The following NLGN1 variants were observed in gnomAD, a reference collection of about 807,000 sequenced individuals.
NLGN1 encodes the protein neuroligin 1.
Under a neutral mutation model 65.5 loss-of-function variants are expected in NLGN1, and 12 were observed. The observed-to-expected ratio is 0.18, with a 90% CI of 0.12 to 0.30. The LOEUF (loss-of-function observed/expected upper bound fraction) is 0.30. Ranked by LOEUF, NLGN1 falls within the 10% of genes least tolerant of loss-of-function variation. The pLI is 1.00. For missense variants in NLGN1, 750 were observed against 1,007.1 expected, an observed-to-expected ratio of 0.74 and a Z score of 3.46; for synonymous variants, 350 against 359.5, an observed-to-expected ratio of 0.97 and a Z score of 0.30.
intron 4 of NLGN1, among the ~76,000 whole-genome samples, chr3:173,859,959 G>C (rs945900249): frequency 6.6e-6 from 1 of 151,564 alleles, no homozygotes; most frequent in African/African-American, 2.4e-5. Context: ...TTATTTTCTT[G>C]ATCAAATCCT....
chr3:174,105,901 T>C (rs1713673498), intron 4 of NLGN1, among the ~76,000 whole-genome samples: 1 of 152,134 alleles, frequency 6.6e-6, no homozygotes, highest in South Asian at 2.1e-4. Flanking sequence ...TGGAATTTAT[T>C]TGAGGTCACA....
chr3:173,721,919 T>C (rs540082043), intron 3 of NLGN1, among the ~76,000 whole-genome samples: 22 of 142,288 alleles, frequency 1.5e-4, no homozygotes, highest in Admixed American at 3.0e-4. Context: ...TGTGACATGA[T>C]GGGCAACATG....
At chr3:174,039,626 G>A (rs1731864155) in intron 4 of NLGN1, among the ~76,000 whole-genome samples, 1 of 152,146 alleles carries the variant, frequency 6.6e-6, no homozygotes, top group Admixed American at 6.6e-5. Flanking sequence ...ATAAGGCTCA[G>A]TAAGTTAGTG....
intron 4 of NLGN1, among the ~76,000 whole-genome samples, chr3:173,938,976 A>C (rs1364006277): frequency 6.6e-6 from 1 of 152,180 alleles, no homozygotes; most frequent in Non-Finnish European, 1.5e-5. Flanking sequence ...CGAGCTTGTC[A>C]ACACAATGAC....
chr3:173,544,202 A>G (rs1277939203), intron 2 of NLGN1, among the ~76,000 whole-genome samples: 2 of 152,070 alleles, frequency 1.3e-5, no homozygotes, highest in African/African-American at 4.8e-5. Flanking sequence ...AAAAAGAAAA[A>G]GAAAAAAAAG....
intron 4 of NLGN1, among the ~76,000 whole-genome samples, chr3:173,828,210 T>C (rs1426415009): frequency 6.6e-6 from 1 of 152,168 alleles, no homozygotes; most frequent in African/African-American, 2.4e-5. Context: ...TAATTTGAGT[T>C]GCTGTCACAT....
At chr3:173,724,252 A>G (rs1039673727) in intron 3 of NLGN1, among the ~76,000 whole-genome samples, 1 of 152,186 alleles carries the variant, frequency 6.6e-6, no homozygotes, top group African/African-American at 2.4e-5. Flanking sequence ...CATCACCTAC[A>G]ATTGTGTTTC....
intron 1 of NLGN1, among the ~76,000 whole-genome samples, chr3:173,434,462 A>G (rs2148760978): frequency 6.6e-6 from 1 of 152,336 alleles, no homozygotes; most frequent in Admixed American, 6.5e-5. Context: ...CAATATTTGA[A>G]TAAATGTTTC....
chr3:174,080,756 GT>G (rs201523593), intron 4 of NLGN1, among the ~76,000 whole-genome samples: 81 of 145,138 alleles, frequency 5.6e-4, no homozygotes, highest in East Asian at 6.0e-4. Context: ...TCAGTTTCAG[GT>G]TTTTTTTTTT....
intron 2 of NLGN1, among the ~76,000 whole-genome samples, chr3:173,469,881 T>A (rs1725034678): frequency 6.6e-6 from 1 of 151,862 alleles, no homozygotes; most frequent in African/African-American, 2.4e-5. Flanking sequence ...AACACCTACA[T>A]ATGCTTACTC....
At chr3:173,614,721 C>T (rs1752798925) in intron 3 of NLGN1, among the ~76,000 whole-genome samples, 1 of 152,080 alleles carries the variant, frequency 6.6e-6, no homozygotes, top group Non-Finnish European at 1.5e-5. Context: ...CCCACACTCC[C>T]ACACACACCC....
intron 4 of NLGN1, among the ~76,000 whole-genome samples, chr3:174,080,834 G>A (rs1456512356): frequency 6.6e-6 from 1 of 151,190 alleles, no homozygotes; most frequent in African/African-American, 2.4e-5. Flanking sequence ...GCCTTTCCCT[G>A]GTGCTGGCTG....
intron 4 of NLGN1, among the ~76,000 whole-genome samples, chr3:174,045,630 T>C (rs1193819291): frequency 6.6e-6 from 1 of 152,172 alleles, no homozygotes; most frequent in Admixed American, 6.6e-5. Flanking sequence ...TTAGCTAAGA[T>C]TGCTTCTACT....
At chr3:174,269,004 T>G (rs1265387286) in intron 4 of NLGN1, among the ~76,000 whole-genome samples, 1 of 151,904 alleles carries the variant, frequency 6.6e-6, no homozygotes, top group East Asian at 1.9e-4. Context: ...GAAAATATTT[T>G]TACTTTATCC....
At chr3:174,159,449 A>G (rs542950880) in intron 4 of NLGN1, among the ~76,000 whole-genome samples, 1 of 151,914 alleles carries the variant, frequency 6.6e-6, no homozygotes, top group Non-Finnish European at 1.5e-5. Flanking sequence ...ACTAAACCCA[A>G]CAACTAAATT....
At chr3:174,027,007 C>T (rs2152466542) in intron 4 of NLGN1, among the ~76,000 whole-genome samples, 1 of 149,600 alleles carries the variant, frequency 6.7e-6, no homozygotes, top group East Asian at 2.0e-4. Flanking sequence ...TCAAGGACAA[C>T]ACAGCTAGAC....
intron 3 of NLGN1, among the ~76,000 whole-genome samples, chr3:173,669,241 T>C (rs1247019124): frequency 6.6e-6 from 1 of 152,170 alleles, no homozygotes; most frequent in Non-Finnish European, 1.5e-5. Context: ...GAGGGCAATG[T>C]AATACAATCT....
intron 4 of NLGN1, among the ~76,000 whole-genome samples, chr3:174,012,916 G>C (rs902196555): frequency 1.3e-5 from 2 of 152,158 alleles, no homozygotes. Context: ...ATGTTAAGTT[G>C]CCAAAGCAGA....
chr3:173,611,532 A>G (rs1334798463), intron 3 of NLGN1, among the ~76,000 whole-genome samples: 1 of 152,112 alleles, frequency 6.6e-6, no homozygotes, highest in African/African-American at 2.4e-5. Context: ...TAAAACGCCT[A>G]GTTCACTTAG....
Sources: allele counts gnomAD v4.1 joint callset (sites outside exome capture counted in the v4.1 genomes callset), GRCh38; gene constraint gnomAD v4.1.1; transcripts MANE v1.5; gene names NCBI Gene and HGNC (gene_info 2026-07-23, HGNC 2026-07-21).